CHN2: variants seen among roughly 807,000 people sequenced by gnomAD.
The protein encoded by CHN2 is chimerin 2, also known as beta-chimaerin.
Under a neutral mutation model 56.3 loss-of-function variants are expected in CHN2, and 35 were observed. That is an observed-to-expected ratio of 0.62 (90% CI 0.47 to 0.82). CHN2 has a LOEUF of 0.82. CHN2 is among the 40% of genes least tolerant of loss of function. The pLI is 0.00. For missense variants in CHN2, 491 were observed against 580.5 expected (o/e 0.85, Z 1.58); for synonymous variants, 210 against 212.8 (o/e 0.99, Z 0.12).
In CHN2 at chr7:29,159,576, C is replaced by T. The variant is rs924522337; in HGVS notation, c.274+12616C>T. 1.4e-4 allele frequency among the ~76,000 whole-genome samples: 21 copies of T among 152,164 alleles called. No homozygotes were observed. The South Asian group carries it at 3.3e-3, about 24-fold the overall frequency. On this transcript the variant is annotated intron_variant, in intron 2 of 6. Transcript: ENST00000439384. ...GAGTGATGAAATGGGGTGGCTAATT[C>T]GAGAAAACCTCTTCCCACACAAGTC... is the stretch of plus-strand genomic sequence containing the variant.
intron 7 of CHN2, among the ~76,000 whole-genome samples, chr7:29,488,416 C>T (rs564204519): frequency 2.6e-5 from 4 of 152,176 alleles, no homozygotes; most frequent in Non-Finnish European, 5.9e-5. Context: ...AGGCTGCCTG[C>T]CCTCCAGCCT....
At chr7:29,479,684 C>T in intron 6 of CHN2, 1 of 1,037,860 alleles carries the variant, frequency 9.6e-7, no homozygotes, top group Non-Finnish European at 1.2e-6. Flanking sequence ...CTTTGAACGT[C>T]AGAGCTGGCT....
intron 2 of CHN2, among the ~76,000 whole-genome samples, chr7:29,185,048 C>T (rs1316705373): frequency 1.3e-5 from 2 of 152,166 alleles, no homozygotes; most frequent in African/African-American, 2.4e-5. Context: ...GTTTTATTTT[C>T]ATATATTCAG....
intron 1 of CHN2, among the ~76,000 whole-genome samples, chr7:29,253,975 G>A (rs1050054862): frequency 6.6e-6 from 1 of 152,154 alleles, no homozygotes; most frequent in Non-Finnish European, 1.5e-5. Context: ...CATGATCTCG[G>A]CTCACTGCAA....
intron 1 of CHN2, among the ~76,000 whole-genome samples, chr7:29,348,762 A>T (rs1384044154): frequency 1.3e-5 from 2 of 151,980 alleles, no homozygotes; most frequent in Non-Finnish European, 2.9e-5. Context: ...GTGTACTTTT[A>T]AAAAAAACTA....
intron 2 of CHN2, among the ~76,000 whole-genome samples, chr7:29,178,975 G>T (rs1163334294): frequency 2.6e-5 from 4 of 152,126 alleles, no homozygotes; most frequent in Non-Finnish European, 5.9e-5. Flanking sequence ...CCACCTACCA[G>T]AGCTAACCAG....
chr7:29,243,128 A>C (rs747186585), intron 1 of CHN2, among the ~76,000 whole-genome samples: 18 of 152,182 alleles, frequency 1.2e-4, no homozygotes, highest in Non-Finnish European at 2.4e-4. Context: ...AATTACTAAG[A>C]TGTAAATACG....
intron 3 of CHN2, among the ~76,000 whole-genome samples, chr7:29,381,539 T>C (rs571427258): frequency 6.6e-6 from 1 of 152,066 alleles, no homozygotes; most frequent in East Asian, 1.9e-4. Context: ...CTTTTGGGTG[T>C]TCCTGGAAGC....
intron 1 of CHN2, among the ~76,000 whole-genome samples, chr7:29,287,356 A>G (rs116345731): frequency 6.6e-6 from 1 of 152,278 alleles, no homozygotes; most frequent in African/African-American, 2.4e-5. Flanking sequence ...CTCTGGGGGC[A>G]TGAGGGGGAA....
intron 2 of CHN2, among the ~76,000 whole-genome samples, chr7:29,152,611 C>G (rs1484928268): frequency 6.6e-6 from 1 of 152,110 alleles, no homozygotes; most frequent in Non-Finnish European, 1.5e-5. Flanking sequence ...TTGTTCCCAT[C>G]CACCCCACCC....
intron 12 of CHN2, among the ~76,000 whole-genome samples, chr7:29,511,921 T>C (rs1344864956): frequency 6.6e-6 from 1 of 152,300 alleles, no homozygotes; most frequent in Middle Eastern, 3.4e-3. Context: ...AGTTCTTACC[T>C]GGATGTCGAA....
At chr7:29,468,897 C>T (rs965481279) in intron 6 of CHN2, among the ~76,000 whole-genome samples, 8 of 152,134 alleles carry the variant, frequency 5.3e-5, no homozygotes, top group Non-Finnish European at 8.8e-5. Flanking sequence ...CTCTGCTCTT[C>T]TCTATCTGCA....
chr7:29,190,344 T>C (rs1782730989), upstream of CHN2, among the ~76,000 whole-genome samples: 1 of 152,142 alleles, frequency 6.6e-6, no homozygotes, highest in Admixed American at 6.5e-5. Context: ...GGATTAATCT[T>C]GAAAGTAAGG....
chr7:29,211,007 T>A (rs1490208078), intron 1 of CHN2, among the ~76,000 whole-genome samples: 4 of 151,886 alleles, frequency 2.6e-5, no homozygotes, highest in Admixed American at 2.6e-4. Flanking sequence ...CTGAGATAGG[T>A]TGTCCCTGGA....
intron 6 of CHN2, among the ~76,000 whole-genome samples, chr7:29,405,923 A>G (rs1802612858): frequency 6.6e-6 from 1 of 152,088 alleles, no homozygotes; most frequent in African/African-American, 2.4e-5. Flanking sequence ...ATGTGCTTGA[A>G]CAGAGGCCGT....
intron 1 of CHN2, among the ~76,000 whole-genome samples, chr7:29,227,744 T>C (rs1348672281): frequency 1.3e-5 from 2 of 152,196 alleles, no homozygotes; most frequent in Non-Finnish European, 2.9e-5. Context: ...TGAAGTTCTA[T>C]TCCTGACCTT....
At chr7:29,401,594 A>G (rs1802210177) in intron 6 of CHN2, among the ~76,000 whole-genome samples, 1 of 152,144 alleles carries the variant, frequency 6.6e-6, no homozygotes, top group Non-Finnish European at 1.5e-5. Context: ...GGTCTTACTT[A>G]GATAACAGGT....
chr7:29,305,050 A>C (rs1332050561), intron 1 of CHN2, among the ~76,000 whole-genome samples: 2 of 152,126 alleles, frequency 1.3e-5, no homozygotes, highest in Non-Finnish European at 2.9e-5. Context: ...CTGGAGAGCT[A>C]CTTGGAGGGG....
intron 7 of CHN2, 62 bp downstream of exon 7, chr7:29,480,418 T>C: frequency 6.6e-7 from 1 of 1,510,604 alleles, no homozygotes; most frequent in Non-Finnish European, 9.2e-7. Flanking sequence ...GTACAGTGTA[T>C]AGTTTCCGTC....
Sources: allele counts gnomAD v4.1 joint callset (sites outside exome capture counted in the v4.1 genomes callset), GRCh38; gene constraint gnomAD v4.1.1; transcripts MANE v1.5; gene names NCBI Gene and HGNC (gene_info 2026-07-23, HGNC 2026-07-21).